The following SPATS2L variants were observed in gnomAD, a reference collection of about 807,000 sequenced individuals.
SPATS2L encodes the protein spermatogenesis associated serine rich 2 like.
A neutral mutation model predicts 59.6 loss-of-function variants in SPATS2L; 30 were observed. The ratio of observed to expected loss-of-function variants is 0.50; its 90% CI spans 0.38 to 0.68. SPATS2L has a LOEUF of 0.68. Ranked by LOEUF, SPATS2L falls within the 30% of genes least tolerant of loss-of-function variation. SPATS2L has a pLI of 0.00. For synonymous variants in SPATS2L, 252 were observed against 263.5 expected (o/e 0.96, Z 0.42); for missense variants, 615 against 700.0 (o/e 0.88, Z 1.37).
intron 2 of SPATS2L, among the ~76,000 whole-genome samples, chr2:200,350,825 A>G (rs1242203754): frequency 6.6e-6 from 1 of 152,132 alleles, no homozygotes; most frequent in Non-Finnish European, 1.5e-5. Flanking sequence ...ATGAGCCACC[A>G]TGCCTGGCTT....
intron 2 of SPATS2L, among the ~76,000 whole-genome samples, chr2:200,350,251 G>A (rs1229465452): frequency 1.3e-5 from 2 of 152,128 alleles, no homozygotes; most frequent in African/African-American, 4.8e-5. Context: ...TTAAGTCTCA[G>A]TGGCCTCTGC....
At chr2:200,386,913 G>T (rs778912982) in intron 2 of SPATS2L, among the ~76,000 whole-genome samples, 1 of 151,930 alleles carries the variant, frequency 6.6e-6, no homozygotes, top group Non-Finnish European at 1.5e-5. Context: ...ACATGATGCC[G>T]AAACTTTCAT....
chr2:200,425,143 C>A (rs1005444685), intron 6 of SPATS2L, among the ~76,000 whole-genome samples: 1 of 118,980 alleles, frequency 8.4e-6, no homozygotes. Context: ...CCCCCCCCCC[C>A]GCCATTTGTG....
intron 3 of SPATS2L, among the ~76,000 whole-genome samples, chr2:200,400,159 GAAGAT>G (rs958705901): frequency 2.7e-4 from 36 of 131,324 alleles, no homozygotes; most frequent in African/African-American, 9.0e-4. Context: ...TGCCTTGAAT[GAAGAT>G]AACATTTTTT....
intron 2 of SPATS2L, among the ~76,000 whole-genome samples, chr2:200,333,986 A>G (rs1486566656): frequency 6.6e-6 from 1 of 152,228 alleles, no homozygotes; most frequent in Non-Finnish European, 1.5e-5. Flanking sequence ...TCTTTATAGC[A>G]GCATGATTTA....
intron 8 of SPATS2L, among the ~76,000 whole-genome samples, chr2:200,441,560 CTCAG>C (rs2106110930): frequency 6.6e-6 from 1 of 152,280 alleles, no homozygotes; most frequent in South Asian, 2.1e-4. Context: ...GTTATCAGGA[CTCAG>C]TCTGTCTCAC....
intron 2 of SPATS2L, among the ~76,000 whole-genome samples, chr2:200,356,222 G>C (rs2105857099): frequency 6.6e-6 from 1 of 152,202 alleles, no homozygotes; most frequent in Middle Eastern, 3.4e-3. Context: ...AAACCTTTCT[G>C]ATCAAGGCCT....
chr2:200,477,515 T>TAAAAAA lies in SPATS2L; in HGVS notation c.1282-103_1282-98dup, dbSNP rs59073895. The stretch of plus-strand genomic sequence containing the variant: ...CATGTTTTCTGATTCTTCTGGTGTA[T>TAAAAAA]AAAAAAAAAAAAAAAAAAAAAAAGC... On this transcript the variant is annotated intron_variant, in intron 12 of 12. Coordinates refer to ENST00000409140, the MANE Select transcript of SPATS2L (RefSeq NM_001100423.2). The TAAAAAA allele has an allele frequency of 1.0e-3, 312 of 302,644 alleles. 16 individuals are homozygous for TAAAAAA. In the African/African-American group the frequency reaches 0.013, roughly 13 times the overall value. 18.7% of individuals were successfully genotyped at this position (302,644 alleles called of 1,614,324 possible).
At chr2:200,315,289 T>A (rs990563099) in intron 1 of SPATS2L, among the ~76,000 whole-genome samples, 1 of 152,164 alleles carries the variant, frequency 6.6e-6, no homozygotes, top group African/African-American at 2.4e-5. Flanking sequence ...ACATGTACAA[T>A]GGGCATAGTG....
At chr2:200,341,613 C>T (rs1055473510) in intron 2 of SPATS2L, among the ~76,000 whole-genome samples, 1 of 151,686 alleles carries the variant, frequency 6.6e-6, no homozygotes, top group Non-Finnish European at 1.5e-5. Context: ...AGGAAGACCT[C>T]AGGTTTCACA....
rs1255280316 is a variant in SPATS2L, at chr2:200,469,977, A to G, written c.1021A>G (p.Ile341Val). Residue 341 changes from isoleucine (I) to valine (V), a missense_variant, in exon 11 of 13, where the codon ATC becomes GTC. Ile to Val is a conservative substitution (Grantham distance 29). Transcript: ENST00000409140. ...GAAAGCTGCCCGGTTTTCCTGTGAC[A>G]TCGAACAGCTGAAGGCCCAAATCAT... Reference protein sequence around the residue: ...LGKAARFSCDIEQLKAQIMLC... With the variant: ...LGKAARFSCDVEQLKAQIMLC... 3.1e-6 allele frequency: 5 copies of G among 1,612,196 alleles called. No individual in the cohort carries two copies. The East Asian group carries it at 8.9e-5, about 29-fold the overall frequency.
chr2:200,344,211 C>T (rs1487737662), intron 2 of SPATS2L, among the ~76,000 whole-genome samples: 2 of 151,926 alleles, frequency 1.3e-5, no homozygotes, highest in African/African-American at 2.4e-5. Flanking sequence ...TTTTCTGATC[C>T]TCTCCCTCCT....
At chr2:200,424,326 A>G (rs2083437441) in intron 6 of SPATS2L, among the ~76,000 whole-genome samples, 1 of 151,812 alleles carries the variant, frequency 6.6e-6, no homozygotes, top group South Asian at 2.1e-4. Flanking sequence ...ATCTCTTTAA[A>G]AAAAAAAGAA....
chr2:200,368,689 G>A (rs2081334845), intron 2 of SPATS2L, among the ~76,000 whole-genome samples: 1 of 152,158 alleles, frequency 6.6e-6, no homozygotes, highest in South Asian at 2.1e-4. Flanking sequence ...TAGCAGACAT[G>A]TATTACAGAC....
chr2:200,409,885 A>C (rs919554824), intron 3 of SPATS2L, among the ~76,000 whole-genome samples: 8 of 152,228 alleles, frequency 5.3e-5, no homozygotes, highest in African/African-American at 1.9e-4. Flanking sequence ...GATAGGCAAG[A>C]GTAGTATAAA....
rs534089930 is a variant in SPATS2L at position 200,356,791 on chromosome 2, G to A, written c.-23+27311G>A. Among the ~76,000 whole-genome samples, 19 of 152,304 alleles carry A rather than the reference G, an allele frequency of 1.2e-4. 1 individual carries two copies. The South Asian group carries it at 2.7e-3, about 22-fold the overall frequency. On this transcript the variant is annotated intron_variant, in intron 2 of 12. Coordinates refer to ENST00000409140, the MANE Select transcript of SPATS2L (RefSeq NM_001100423.2). ...AGTTTATTTGGCTCATGGTTCTGGA[G>A]GCTAGGAAGTATGGCATTGGTGTCT... is the stretch of plus-strand genomic sequence containing the variant.
chr2:200,428,291 T>A (rs1461345662), intron 6 of SPATS2L, among the ~76,000 whole-genome samples: 2 of 152,218 alleles, frequency 1.3e-5, no homozygotes, highest in East Asian at 3.9e-4. Flanking sequence ...ATCTAGCCAT[T>A]GTTTTTTAAT....
chr2:200,397,976 C>G (rs1489461148), intron 3 of SPATS2L, among the ~76,000 whole-genome samples: 4 of 152,096 alleles, frequency 2.6e-5, no homozygotes, highest in Admixed American at 2.6e-4. Flanking sequence ...AATCTGATAG[C>G]TTGAAAGAAG....
chr2:200,456,691 A>T (rs915196554), intron 8 of SPATS2L, among the ~76,000 whole-genome samples: 1 of 152,086 alleles, frequency 6.6e-6, no homozygotes, highest in African/African-American at 2.4e-5. Flanking sequence ...AAGTGGGAGG[A>T]TTCCCAAGCC....
Sources: gnomAD v4.1 joint callset for allele counts (sites outside exome capture counted in the v4.1 genomes callset) on GRCh38, gnomAD v4.1.1 for gene constraint, MANE v1.5 for transcripts, NCBI Gene and HGNC (gene_info 2026-07-23, HGNC 2026-07-21) for gene names.